Variants in ZNG1F observed in about 807,000 individuals in gnomAD.
ZNG1F encodes Zn regulated GTPase metalloprotein activator 1F.
chr9:41,203,445 T>C, the ZNG1F span, among the ~76,000 whole-genome samples: 1 of 150,460 alleles, frequency 6.6e-6, no homozygotes, highest in Non-Finnish European at 1.5e-5. Context: ...ACTTTCACCA[T>C]CCCAAAAAAT....
the ZNG1F span, among the ~76,000 whole-genome samples, chr9:41,136,428 AT>A: frequency 3.9e-5 from 1 of 25,732 alleles, no homozygotes; most frequent in Admixed American, 5.7e-4. Flanking sequence ...TTTCTTAAGG[AT>A]TTTAGCATCT....
chr9:41,199,763 T>C, the ZNG1F span, among the ~76,000 whole-genome samples: 1 of 152,122 alleles, frequency 6.6e-6, no homozygotes, highest in Admixed American at 6.6e-5. Flanking sequence ...CTACATCTTC[T>C]GATATCTAGG....
At chr9:41,146,403 CAA>C in the ZNG1F span, among the ~76,000 whole-genome samples, 10 of 2,534 alleles carry the variant, frequency 3.9e-3, 1 homozygote, top group East Asian at 0.048. Context: ...TCATACGCAG[CAA>C]AAAAAAAAAA....
At chr9:41,166,261 A>C in the ZNG1F span, among the ~76,000 whole-genome samples, 1 of 136,716 alleles carries the variant, frequency 7.3e-6, no homozygotes, top group African/African-American at 2.8e-5. Context: ...AAAATAAATA[A>C]AATAAAAAAA....
At chr9:41,155,356 C>G in the ZNG1F span, among the ~76,000 whole-genome samples, 2 of 149,062 alleles carry the variant, frequency 1.3e-5, 1 homozygote, top group Non-Finnish European at 3.0e-5. Context: ...CAGGAAACAA[C>G]AGGTGCTGGA....
the ZNG1F span, among the ~76,000 whole-genome samples, chr9:41,155,998 A>T: frequency 0.15 from 17,274 of 115,124 alleles, 1,635 homozygotes; most frequent in Middle Eastern, 0.24. Context: ...AAATAAATTT[A>T]AAAAAATCTC....
chr9:41,169,746 C>CA, the ZNG1F span, among the ~76,000 whole-genome samples: 1 of 147,138 alleles, frequency 6.8e-6, no homozygotes, highest in Non-Finnish European at 1.5e-5. Context: ...CACCCCCTCT[C>CA]AAAAAAATAG....
the ZNG1F span, among the ~76,000 whole-genome samples, chr9:41,173,875 T>A: frequency 2.0e-5 from 3 of 148,460 alleles, no homozygotes; most frequent in East Asian, 4.0e-4. Context: ...TGCAAGGAAT[T>A]AAAGTTATAA....
chr9:41,187,626 G>A, the ZNG1F span, among the ~76,000 whole-genome samples: 1 of 148,672 alleles, frequency 6.7e-6, no homozygotes, highest in Middle Eastern at 3.2e-3. Flanking sequence ...TAAATTAAAG[G>A]GCAGCAAGAC....
At chr9:41,151,409 C>G in the ZNG1F span, among the ~76,000 whole-genome samples, 602 of 150,154 alleles carry the variant, frequency 4.0e-3, 9 homozygotes, top group Middle Eastern at 6.9e-3. Flanking sequence ...AGAATGGAAC[C>G]AAGTTGGAAA....
the ZNG1F span, among the ~76,000 whole-genome samples, chr9:41,184,437 C>CA: frequency 0.42 from 38,407 of 91,946 alleles, 8,874 homozygotes; most frequent in Non-Finnish European, 0.54. Context: ...GACTCCATCT[C>CA]AAAAAAAAAA....
the ZNG1F span, among the ~76,000 whole-genome samples, chr9:41,175,438 C>G: frequency 1.4e-5 from 2 of 147,868 alleles, no homozygotes; most frequent in Admixed American, 1.4e-4. Flanking sequence ...GAGTGTCAGT[C>G]TCCAAAACGG....
chr9:41,155,919 C>A, the ZNG1F span, among the ~76,000 whole-genome samples: 2 of 137,642 alleles, frequency 1.5e-5, no homozygotes, highest in Non-Finnish European at 3.1e-5. Flanking sequence ...ACCAGCATGG[C>A]ACATGTATAC....
the ZNG1F span, among the ~76,000 whole-genome samples, chr9:41,150,338 G>C: frequency 6.6e-6 from 1 of 150,434 alleles, no homozygotes; most frequent in African/African-American, 2.4e-5. Context: ...ACGGAGTCTC[G>C]CGGATTGCTA....
the ZNG1F span, among the ~76,000 whole-genome samples, chr9:41,134,201 G>A: frequency 6.9e-6 from 1 of 145,238 alleles, no homozygotes; most frequent in African/African-American, 2.5e-5. Context: ...GGGAAAATAA[G>A]GGTCAAAAAA....
chr9:41,193,026 A>C, the ZNG1F span, among the ~76,000 whole-genome samples: 11 of 150,898 alleles, frequency 7.3e-5, no homozygotes, highest in African/African-American at 2.7e-4. Flanking sequence ...AAGCACATTA[A>C]ATGCATTATC....
the ZNG1F span, among the ~76,000 whole-genome samples, chr9:41,169,192 T>C: frequency 6.6e-6 from 1 of 151,370 alleles, no homozygotes; most frequent in Non-Finnish European, 1.5e-5. Context: ...CAGCCCTGCA[T>C]TTCCCTCATG....
the ZNG1F span, among the ~76,000 whole-genome samples, chr9:41,197,782 T>C: frequency 7.8e-6 from 1 of 128,784 alleles, no homozygotes. Flanking sequence ...ATTAGTTTAC[T>C]TCAGTTATGG....
the ZNG1F span, among the ~76,000 whole-genome samples, chr9:41,153,796 T>TTTTG: frequency 8.8e-6 from 1 of 113,744 alleles, no homozygotes; most frequent in Non-Finnish European, 1.8e-5. Flanking sequence ...TTTGACAAAA[T>TTTTG]TCAACAACCC....
Sources: allele counts gnomAD v4.1 joint callset (sites outside exome capture counted in the v4.1 genomes callset), GRCh38; gene constraint gnomAD v4.1.1; transcripts MANE v1.5; gene names NCBI Gene and HGNC (gene_info 2026-07-23, HGNC 2026-07-21).